THSD7B: variants seen among roughly 807,000 people sequenced by gnomAD.
THSD7B encodes the protein thrombospondin type 1 domain containing 7B.
THSD7B carries 138 observed loss-of-function variants against 213.6 expected under a neutral mutation model. The ratio of observed to expected loss-of-function variants is 0.65; its 90% confidence interval spans 0.56 to 0.74. The LOEUF is 0.74. THSD7B is among the 30% of genes least tolerant of loss of function. THSD7B has a pLI of 0.00. For missense variants in THSD7B, 1,931 were observed against 1,991.5 expected (o/e 0.97, Z 0.58); for synonymous variants, 742 against 687.0 (o/e 1.08, Z -1.25).
intron 15 of THSD7B, among the ~76,000 whole-genome samples, chr2:137,529,677 A>G (rs1306576378): frequency 6.6e-6 from 1 of 151,898 alleles, no homozygotes; most frequent in Non-Finnish European, 1.5e-5. Flanking sequence ...AGGAAATTCA[A>G]ATGGAAAGTT....
intron 2 of THSD7B, among the ~76,000 whole-genome samples, chr2:136,967,729 A>G (rs1685343869): frequency 6.6e-6 from 1 of 152,192 alleles, no homozygotes; most frequent in African/African-American, 2.4e-5. Context: ...TCTTATCACA[A>G]TCAACTCCCT....
chr2:136,897,543 A>G (rs1683981512), intron 2 of THSD7B, among the ~76,000 whole-genome samples: 1 of 152,156 alleles, frequency 6.6e-6, no homozygotes, highest in Non-Finnish European at 1.5e-5. Context: ...TGTGGACCCA[A>G]AGAGTGAGCA....
chr2:136,884,377 A>G (rs1683681683), intron 2 of THSD7B, among the ~76,000 whole-genome samples: 1 of 152,122 alleles, frequency 6.6e-6, no homozygotes, highest in African/African-American at 2.4e-5. Flanking sequence ...GTGCTTGACA[A>G]ATGCTGTGGC....
At chr2:137,258,381 C>A (rs1682357870) in intron 10 of THSD7B, among the ~76,000 whole-genome samples, 1 of 151,808 alleles carries the variant, frequency 6.6e-6, no homozygotes, top group East Asian at 1.9e-4. Context: ...TCCTCTTTTG[C>A]TCTCATTCCC....
At chr2:137,106,660 A>G (rs1688258007) in intron 4 of THSD7B, among the ~76,000 whole-genome samples, 1 of 152,224 alleles carries the variant, frequency 6.6e-6, no homozygotes, top group Non-Finnish European at 1.5e-5. Flanking sequence ...CAAAGGACTA[A>G]TATATAGAAT....
intron 12 of THSD7B, among the ~76,000 whole-genome samples, chr2:137,373,109 TG>T (rs754693774): frequency 1.9e-3 from 295 of 152,264 alleles, no homozygotes; most frequent in Middle Eastern, 0.017. Context: ...GTTGGACATT[TG>T]GGTTGGTTCC....
intron 1 of THSD7B, among the ~76,000 whole-genome samples, chr2:136,799,624 C>A (rs1487192991): frequency 2.0e-5 from 3 of 151,946 alleles, no homozygotes; most frequent in Admixed American, 6.6e-5. Flanking sequence ...TACACACAGA[C>A]AGAAATACAC....
Position 137,656,842 on chromosome 2 carries a change from A to T in THSD7B, c.4152A>T (p.Leu1384Phe). ...GGTCAGAGTGGAGCACATGTGAATT[A>T]ACCTGCATTGATGGAAGAAGCTTTG... ...TEWSEWSTCE[L>F]TCIDGRSFET... Residue 1384 changes from leucine to phenylalanine, a missense_variant, in exon 23 of 28, where the codon TTA becomes TTT. By Grantham distance (22) the Leu-to-Phe change is conservative (BLOSUM62 0). Transcript: ENST00000409968. The T allele has an allele frequency of 6.2e-7, 1 of 1,614,022 alleles. No homozygotes were observed. Among genetic ancestry groups the T allele is most frequent in the Non-Finnish European group, 8.5e-7 (1 of 1,179,892 alleles).
chr2:137,671,590 G>A (rs936981950), intron 27 of THSD7B, among the ~76,000 whole-genome samples: 2 of 152,190 alleles, frequency 1.3e-5, no homozygotes, highest in African/African-American at 4.8e-5. Context: ...TGAGAGTAGG[G>A]GAAAAAGCCC....
intron 15 of THSD7B, among the ~76,000 whole-genome samples, chr2:137,482,188 A>AAC (rs1491232853): frequency 3.6e-4 from 1 of 2,764 alleles, no homozygotes; most frequent in Admixed American, 0.015. Flanking sequence ...CCTCCCCACC[A>AAC]AAAAAAAAAA....
chr2:137,646,717 A>G (rs1262096485), intron 21 of THSD7B, among the ~76,000 whole-genome samples: 1 of 150,702 alleles, frequency 6.6e-6, no homozygotes, highest in Non-Finnish European at 1.5e-5. Context: ...AGGATTTTGC[A>G]GCTTCCAGAA....
intron 12 of THSD7B, among the ~76,000 whole-genome samples, chr2:137,354,325 T>C (rs1036873787): frequency 1.3e-5 from 2 of 151,924 alleles, no homozygotes; most frequent in Non-Finnish European, 2.9e-5. Flanking sequence ...TTCTGGCAAA[T>C]GTGTAATGCG....
Position 137,242,508 on chromosome 2 carries a change from C to CA in THSD7B, c.2208dup (p.Asp737ArgfsTer9). 6.2e-7 allele frequency: 1 copy of CA among 1,613,766 alleles called. No homozygotes were observed. Among genetic ancestry groups the CA allele is most frequent in the Non-Finnish European group, 8.5e-7 (1 of 1,179,786 alleles). ...CTGTGCGCCCCTGTTTTCTCCCATG[C>CA]AAAAAAGACTGTATTGTGACTGCTT... On this transcript the variant is annotated frameshift_variant, in exon 10 of 28. Coordinates refer to ENST00000409968, the MANE Select transcript of THSD7B (RefSeq NM_001316349.2). LOFTEE classifies it high-confidence loss of function.
intron 21 of THSD7B, among the ~76,000 whole-genome samples, chr2:137,650,812 A>G (rs539981660): frequency 6.6e-6 from 1 of 152,184 alleles, no homozygotes; most frequent in Non-Finnish European, 1.5e-5. Context: ...AATTTTATCA[A>G]ATGCTCTTCA....
At chr2:137,483,492 A>C (rs1688352796) in intron 15 of THSD7B, among the ~76,000 whole-genome samples, 1 of 152,232 alleles carries the variant, frequency 6.6e-6, no homozygotes, top group Non-Finnish European at 1.5e-5. Flanking sequence ...GCCAGGAGCA[A>C]TGGTTTCAGA....
intron 1 of THSD7B, among the ~76,000 whole-genome samples, chr2:136,785,330 C>G (rs1228156295): frequency 6.6e-6 from 1 of 152,242 alleles, no homozygotes; most frequent in East Asian, 1.9e-4. Context: ...GGCTGTTCCC[C>G]TTGCCCCCTC....
chr2:137,675,175 G>A (rs1171677312), intron 27 of THSD7B, among the ~76,000 whole-genome samples: 4 of 151,956 alleles, frequency 2.6e-5, no homozygotes, highest in African/African-American at 9.7e-5. Flanking sequence ...CTGAGAGCAG[G>A]GTGAAATGGG....
At chr2:137,556,803 C>T (rs1680980692) in intron 15 of THSD7B, among the ~76,000 whole-genome samples, 1 of 152,130 alleles carries the variant, frequency 6.6e-6, no homozygotes, top group Non-Finnish European at 1.5e-5. Flanking sequence ...ATCCATCTCA[C>T]TTGCAGAGAC....
intron 1 of THSD7B, among the ~76,000 whole-genome samples, chr2:136,804,393 A>T (rs1258626437): frequency 2.4e-5 from 3 of 127,494 alleles, no homozygotes; most frequent in Non-Finnish European, 4.9e-5. Flanking sequence ...ACTCACATAC[A>T]CACACACATA....
Sources: gnomAD v4.1 joint callset for allele counts (sites outside exome capture counted in the v4.1 genomes callset) on GRCh38, gnomAD v4.1.1 for gene constraint, MANE v1.5 for transcripts, NCBI Gene and HGNC (gene_info 2026-07-23, HGNC 2026-07-21) for gene names.